EYS: variants seen among roughly 807,000 people sequenced by gnomAD.
EYS encodes EGF-like photoreceptor maintenance factor.
A neutral mutation model predicts 282.1 loss-of-function variants in EYS; 250 were observed. That is an observed-to-expected ratio of 0.89 (90% CI 0.80 to 0.98). EYS has a LOEUF of 0.98. Among genes scored for constraint, EYS ranks in the 50% least tolerant of loss-of-function variants. EYS has a pLI of 0.00. For missense variants in EYS, 4,016 were observed against 3,709.0 expected, an observed-to-expected ratio of 1.08 and a Z score of -2.15; for synonymous variants, 1,355 against 1,282.9, an observed-to-expected ratio of 1.06 and a Z score of -1.20.
intron 33 of EYS, among the ~76,000 whole-genome samples, chr6:64,031,962 T>C (rs902438919): frequency 6.6e-6 from 1 of 152,148 alleles, no homozygotes; most frequent in Non-Finnish European, 1.5e-5. Context: ...CTTTGTTCTT[T>C]TACTCTTTGC....
intron 5 of EYS, among the ~76,000 whole-genome samples, chr6:65,446,078 T>C (rs1165128489): frequency 6.6e-6 from 1 of 151,770 alleles, no homozygotes; most frequent in Non-Finnish European, 1.5e-5. Flanking sequence ...TTTCAAAAAC[T>C]CAGTGACTTT....
rs9354182 is a variant in EYS, at chr6:64,874,090, T to C, written c.2992+12607A>G. Among the ~76,000 whole-genome samples, 86 of 152,200 alleles carry C rather than the reference T, an allele frequency of 5.7e-4. 2 individuals carry two copies. In the East Asian group the frequency reaches 0.016, roughly 29 times the overall value. The stretch of plus-strand genomic sequence containing the variant: ...CCAGTTTGTATGAAACCACAGCACA[T>C]TTCAGCTGAATAATGACAGTGCAGA... On this transcript the variant is annotated intron_variant, in intron 19 of 42. Coordinates refer to ENST00000503581, the MANE Select transcript of EYS (RefSeq NM_001142800.2).
rs547257589 is a variant in EYS, at chr6:63,756,943, C to G, written c.8071+5518G>C. Among the ~76,000 whole-genome samples the G allele has an allele frequency of 1.1e-4, 16 of 152,200 alleles. No homozygotes were observed. The East Asian group carries it at 3.1e-3, about 29-fold the overall frequency. On this transcript the variant is annotated intron_variant, in intron 41 of 42. Transcript: ENST00000503581. ...GAGAATGTACATCACCTCAGGACCA[C>G]TATTGTGTTAAACTGTACAAATTGA...
At chr6:64,971,919 CTG>C (rs1442982519) in intron 14 of EYS, among the ~76,000 whole-genome samples, 1 of 152,044 alleles carries the variant, frequency 6.6e-6, no homozygotes, top group Non-Finnish European at 1.5e-5. Context: ...CTGAAGAAAA[CTG>C]TATCCAAATG....
rs1042210155 is a variant in EYS, at chr6:64,347,258, T to C, written c.6079-40176A>G. Among the ~76,000 whole-genome samples, 8 of 151,614 alleles carry C rather than the reference T, an allele frequency of 5.3e-5. No individual in the cohort carries two copies. The East Asian group carries it at 1.2e-3, about 22-fold the overall frequency. On this transcript the variant is annotated intron_variant, in intron 29 of 42. Transcript: ENST00000503581. ...TTTATTTGGTTTGATTTAAACAAAC[T>C]CTTTTAAAAACAAGGTTATGACAGC...
At chr6:64,068,262 C>T (rs571950428) in intron 32 of EYS, among the ~76,000 whole-genome samples, 3 of 152,014 alleles carry the variant, frequency 2.0e-5, no homozygotes, top group African/African-American at 4.8e-5. Context: ...TTTTGATATA[C>T]TCTGTTGTGA....
intron 12 of EYS, among the ~76,000 whole-genome samples, chr6:65,290,888 C>T (rs568148317): frequency 4.4e-4 from 67 of 151,358 alleles, no homozygotes; most frequent in Non-Finnish European, 8.2e-4. Context: ...ATCAAGCCAT[C>T]ACCATGTTTA....
At chr6:64,078,937 G>A (rs1339127800) in intron 32 of EYS, among the ~76,000 whole-genome samples, 2 of 152,042 alleles carry the variant, frequency 1.3e-5, no homozygotes, top group Non-Finnish European at 2.9e-5. Flanking sequence ...CCCAGAGCAG[G>A]ATAATTCCCA....
chr6:64,193,024 C>A (rs1765164667), intron 31 of EYS, among the ~76,000 whole-genome samples: 1 of 152,180 alleles, frequency 6.6e-6, no homozygotes, highest in South Asian at 2.1e-4. Flanking sequence ...TTAATTCTTA[C>A]AGATTTAAAA....
intron 31 of EYS, among the ~76,000 whole-genome samples, chr6:64,213,899 A>AAT (rs1333517612): frequency 6.6e-6 from 1 of 152,208 alleles, no homozygotes; most frequent in African/African-American, 2.4e-5. Context: ...ACATCTGAAC[A>AAT]ATGGTATGGT....
At chr6:64,422,274 A>G (rs1355628643) in intron 28 of EYS, among the ~76,000 whole-genome samples, 1 of 152,154 alleles carries the variant, frequency 6.6e-6, no homozygotes. Context: ...TGTTTTGAGA[A>G]CAGTCACTCA....
chr6:65,622,327 G>T (rs1191490572), intron 2 of EYS, among the ~76,000 whole-genome samples: 2 of 152,058 alleles, frequency 1.3e-5, no homozygotes, highest in African/African-American at 4.8e-5. Context: ...ATAAGTTAGA[G>T]CACCAACTTA....
chr6:64,898,201 G>T (rs1767535366), intron 18 of EYS, among the ~76,000 whole-genome samples: 2 of 152,184 alleles, frequency 1.3e-5, no homozygotes, highest in South Asian at 4.1e-4. Flanking sequence ...AGGGCAGCCA[G>T]AGAGAAAGGT....
chr6:64,882,144 C>A (rs1461177674), intron 19 of EYS, among the ~76,000 whole-genome samples: 1 of 151,664 alleles, frequency 6.6e-6, no homozygotes, highest in Non-Finnish European at 1.5e-5. Flanking sequence ...AGAGTCTATA[C>A]CAGTACACAG....
At chr6:65,280,879 T>A (rs752996366) in intron 12 of EYS, among the ~76,000 whole-genome samples, 4 of 146,582 alleles carry the variant, frequency 2.7e-5, no homozygotes, top group Non-Finnish European at 6.0e-5. Context: ...TATATATATA[T>A]ATATAAATCA....
Position 64,497,199 on chromosome 6 carries a change from A to G in EYS, c.5645-57847T>C, listed in dbSNP as rs1265473055. Among the ~76,000 whole-genome samples, 3 of 152,258 alleles carry G rather than the reference A, an allele frequency of 2.0e-5. No homozygotes were observed. In the East Asian group the frequency reaches 5.8e-4, roughly 29 times the overall value. On this transcript the variant is annotated intron_variant, in intron 26 of 42. Transcript: ENST00000503581. ...TTCTACAAAGTTATTCTACTTGCAC[A>G]TAGTGTACAACAGAAGACAAAATTT...
rs756386550 is a variant in EYS at position 63,778,227 on chromosome 6, G to GA, written c.7724-48dup. 26 of 1,503,538 alleles carry GA rather than the reference G, an allele frequency of 1.7e-5. No homozygotes were observed. The African/African-American group carries it at 2.2e-4, about 13-fold the overall frequency. The allele number at this position is 1,503,538 out of a possible 1,614,324, so 93.1% of individuals were successfully genotyped here. A position where few individuals can be genotyped will look rare whatever the true frequency, so the allele number is the denominator to read the frequency against. On this transcript the variant is annotated intron_variant, in intron 39 of 42. Coordinates refer to ENST00000503581, the MANE Select transcript of EYS (RefSeq NM_001142800.2). ...TTCGTGTTAACAAACAGAAGAAATA[G>GA]AAAAAACAAGAAGAAGGTTATTTTT...
intron 22 of EYS, among the ~76,000 whole-genome samples, chr6:64,734,697 T>G (rs1002567747): frequency 2.6e-5 from 4 of 152,120 alleles, no homozygotes; most frequent in African/African-American, 9.7e-5. Flanking sequence ...CTAGAAAGTG[T>G]GTATATGCTC....
chr6:64,789,513 C>T (rs1296454921), intron 22 of EYS, among the ~76,000 whole-genome samples: 2 of 152,266 alleles, frequency 1.3e-5, no homozygotes, highest in East Asian at 3.9e-4. Context: ...AAATTGTCCA[C>T]TAAAATAATG....
Sources: allele counts gnomAD v4.1 joint callset (sites outside exome capture counted in the v4.1 genomes callset), GRCh38; gene constraint gnomAD v4.1.1; transcripts MANE v1.5; gene names NCBI Gene and HGNC (gene_info 2026-07-23, HGNC 2026-07-21).